The following UGT1A6 variants were observed in gnomAD, a reference collection of about 807,000 sequenced individuals.
The protein encoded by UGT1A6 is UDP-glucuronosyltransferase 1A6.
UGT1A6 carries 32 observed loss-of-function variants against 44.4 expected under a neutral mutation model. The observed-to-expected ratio is 0.72, with a 90% CI of 0.54 to 0.97. The LOEUF is 0.97. UGT1A6 is among the 50% of genes least tolerant of loss of function. The pLI, the probability that UGT1A6 is intolerant of heterozygous loss-of-function variation, is 0.00. For synonymous variants in UGT1A6, 238 were observed against 248.5 expected, an observed-to-expected ratio of 0.96 and a Z score of 0.40; for missense variants, 685 against 661.9, an observed-to-expected ratio of 1.03 and a Z score of -0.38.
At chr2:233,755,357 TGGGCCGCCTGGA>T in intron 1 of UGT1A6, 1 of 376,616 alleles carries the variant, frequency 2.7e-6, no homozygotes, top group South Asian at 2.2e-5. Context: ...CTTGGCGACC[TGGGCCGCCTGGA>T]GGGCCGCCCC....
intron 1 of UGT1A6, among the ~76,000 whole-genome samples, chr2:233,742,483 C>T (rs1442583410): frequency 6.6e-6 from 1 of 151,916 alleles, no homozygotes; most frequent in African/African-American, 2.4e-5. Context: ...TCACAACCTT[C>T]AGCATAGGCA....
chr2:233,751,453 T>C (rs1694732697), intron 1 of UGT1A6, among the ~76,000 whole-genome samples: 2 of 152,190 alleles, frequency 1.3e-5, no homozygotes, highest in African/African-American at 4.8e-5. Flanking sequence ...GGAAGATTGT[T>C]GGGAAGGCAC....
intron 1 of UGT1A6, among the ~76,000 whole-genome samples, chr2:233,708,081 T>G (rs1171584848): frequency 6.6e-6 from 1 of 152,226 alleles, no homozygotes; most frequent in African/African-American, 2.4e-5. Context: ...CTTTTTACTT[T>G]TATTCAAACG....
At chr2:233,694,003 G>A in intron 1 of UGT1A6, 138 bp downstream of exon 1, 1 of 1,487,488 alleles carries the variant, frequency 6.7e-7, no homozygotes, top group Non-Finnish European at 9.1e-7. Context: ...CCGGCTCGGA[G>A]CAGCGGGAAC....
chr2:233,747,677 C>T (rs1693749061), intron 1 of UGT1A6: 1 of 1,606,758 alleles, frequency 6.2e-7, no homozygotes, highest in Non-Finnish European at 8.5e-7. Context: ...ACCCAATTTA[C>T]CTCTGTGGGG....
chr2:233,725,049 TGGCGGCGCGCGCCTG>T (rs1559369977), intron 1 of UGT1A6, among the ~76,000 whole-genome samples: 1 of 147,424 alleles, frequency 6.8e-6, no homozygotes, highest in Non-Finnish European at 1.5e-5. Flanking sequence ...CAGTCAGGCG[TGGCGGCGCGCGCCTG>T]CAATCGCAGG....
intron 1 of UGT1A6, chr2:233,728,971 AT>A: frequency 6.7e-7 from 1 of 1,483,170 alleles, no homozygotes; most frequent in Non-Finnish European, 9.0e-7. Flanking sequence ...ACAGTGATAG[AT>A]TAATGGTTAA....
At chr2:233,740,151 C>T (rs534667918) in intron 1 of UGT1A6, among the ~76,000 whole-genome samples, 23 of 151,980 alleles carry the variant, frequency 1.5e-4, no homozygotes, top group South Asian at 1.2e-3. Context: ...TTCCTGAGGC[C>T]TCCCCAGTCA....
At chr2:233,714,240 G>A (rs974557755) in intron 1 of UGT1A6, among the ~76,000 whole-genome samples, 4 of 152,188 alleles carry the variant, frequency 2.6e-5, no homozygotes, top group Non-Finnish European at 4.4e-5. Flanking sequence ...TCAGTAGAAA[G>A]GAGGAAGGAA....
chr2:233,694,725 T>C (rs1230570334), intron 1 of UGT1A6, among the ~76,000 whole-genome samples: 2 of 152,186 alleles, frequency 1.3e-5, no homozygotes, highest in African/African-American at 4.8e-5. Context: ...GATTTCTCTG[T>C]TAACAATTTG....
intron 1 of UGT1A6, among the ~76,000 whole-genome samples, chr2:233,697,387 A>T (rs2075388301): frequency 6.6e-6 from 1 of 152,000 alleles, no homozygotes; most frequent in Non-Finnish European, 1.5e-5. Context: ...ATAATCGCTA[A>T]TGATCCTTTG....
intron 1 of UGT1A6, among the ~76,000 whole-genome samples, chr2:233,707,993 G>A (rs993709238): frequency 1.3e-5 from 2 of 152,098 alleles, no homozygotes; most frequent in African/African-American, 2.4e-5. Context: ...TTGTCTACTC[G>A]AATTATGTAT....
intron 1 of UGT1A6, among the ~76,000 whole-genome samples, chr2:233,706,519 A>C (rs2075911492): frequency 6.6e-6 from 1 of 152,224 alleles, no homozygotes; most frequent in Non-Finnish European, 1.5e-5. Context: ...AGGATTTTAC[A>C]GCGGCTTAGA....
At chr2:233,747,007 G>A (rs1207556963) in intron 1 of UGT1A6, among the ~76,000 whole-genome samples, 1 of 151,856 alleles carries the variant, frequency 6.6e-6, no homozygotes, top group Non-Finnish European at 1.5e-5. Context: ...TTTCAAGTAG[G>A]AGTGATCGGT....
At chr2:233,762,564 C>T (rs537495402) in intron 1 of UGT1A6, among the ~76,000 whole-genome samples, 6 of 152,312 alleles carry the variant, frequency 3.9e-5, no homozygotes, top group African/African-American at 1.4e-4. Context: ...GAGATCTAGT[C>T]TAGTTCCCCA....
chr2:233,749,114 A>G (rs113228961), intron 1 of UGT1A6, among the ~76,000 whole-genome samples: 3 of 151,858 alleles, frequency 2.0e-5, no homozygotes, highest in African/African-American at 7.3e-5. Flanking sequence ...CAGCCTTTTT[A>G]TGTCATATTC....
chr2:233,695,370 C>G (rs1420827088), intron 1 of UGT1A6, among the ~76,000 whole-genome samples: 2 of 151,814 alleles, frequency 1.3e-5, no homozygotes, highest in African/African-American at 4.8e-5. Flanking sequence ...GTGGTCCGCC[C>G]ACCCCAGCCT....
At chr2:233,727,355 C>A (rs1460228940) in intron 1 of UGT1A6, among the ~76,000 whole-genome samples, 2 of 152,284 alleles carry the variant, frequency 1.3e-5, no homozygotes, top group East Asian at 3.9e-4. Context: ...TTCTGCTATC[C>A]TTAGGGCCCC....
chr2:233,748,324 T>A (rs1693918932), intron 1 of UGT1A6, among the ~76,000 whole-genome samples: 2 of 151,746 alleles, frequency 1.3e-5, no homozygotes, highest in South Asian at 4.1e-4. Flanking sequence ...AGGACTGATG[T>A]GACTCATGGA....
Sources: gnomAD v4.1 joint callset for allele counts (sites outside exome capture counted in the v4.1 genomes callset) on GRCh38, gnomAD v4.1.1 for gene constraint, MANE v1.5 for transcripts, NCBI Gene and HGNC (gene_info 2026-07-23, HGNC 2026-07-21) for gene names.